Variants in EPHA6 observed in about 807,000 individuals in gnomAD.
The protein encoded by EPHA6 is ephrin type-A receptor 6.
In EPHA6, 50 loss-of-function variants were observed where a neutral mutation model predicts 112.0. That is an observed-to-expected ratio of 0.45 (90% CI 0.36 to 0.56). EPHA6 has a LOEUF of 0.56. Ranked by LOEUF, EPHA6 falls within the 20% of genes least tolerant of loss-of-function variation. EPHA6 has a pLI of 0.00. For missense variants in EPHA6, 1,280 were observed against 1,417.4 expected (o/e 0.90, Z 1.56); for synonymous variants, 529 against 490.7 (o/e 1.08, Z -1.03).
chr3:96,987,555 T>A lies in EPHA6; in HGVS notation c.676T>A (p.Ser226Thr), dbSNP rs772456254. Residue 226 changes from serine (S) to threonine (T), a missense_variant, in exon 3 of 18, where the codon TCA (serine) becomes ACA (threonine). Physicochemically the swap from Ser to Thr is moderately conservative, Grantham distance 58. This residue lies in a region of EPHA6 where 878 missense variants were observed against 999.7 expected (regional missense o/e 0.88). Coordinates refer to ENST00000389672, the MANE Select transcript of EPHA6 (RefSeq NM_001080448.3). ...AACATTTAATCTGTTTTATATGGAA[T>A]CAGATGAGTCCCACGGAATTAAATT... is the stretch of plus-strand genomic sequence containing the variant. ...KETFNLFYME[S>T]DESHGIKFKP... The A allele has an allele frequency of 2.5e-6, 4 of 1,613,770 alleles. No homozygotes were observed. In the African/African-American group the frequency reaches 5.3e-5, roughly 22 times the overall value.
At chr3:97,714,854 T>A (rs1005929385) in intron 14 of EPHA6, among the ~76,000 whole-genome samples, 8 of 152,202 alleles carry the variant, frequency 5.3e-5, no homozygotes, top group African/African-American at 1.9e-4. Flanking sequence ...CTTAAAGTCA[T>A]CCTCCAGTAA....
At chr3:97,307,511 A>T (rs574652421) in intron 5 of EPHA6, among the ~76,000 whole-genome samples, 2 of 151,790 alleles carry the variant, frequency 1.3e-5, no homozygotes, top group African/African-American at 4.8e-5. Context: ...ATTTACCTGT[A>T]CTTAGCTGTC....
intron 11 of EPHA6, among the ~76,000 whole-genome samples, chr3:97,537,830 C>T (rs1436597634): frequency 2.0e-5 from 3 of 152,124 alleles, no homozygotes; most frequent in Non-Finnish European, 2.9e-5. Flanking sequence ...CCACCTACCT[C>T]GGCCTCCCAA....
chr3:96,944,760 T>G (rs148293250), intron 2 of EPHA6, among the ~76,000 whole-genome samples: 2,184 of 152,224 alleles, frequency 0.014, 57 homozygotes, highest in African/African-American at 0.049. Context: ...GCCAACATGG[T>G]GAAACCCCGT....
intron 12 of EPHA6, among the ~76,000 whole-genome samples, chr3:97,594,738 T>C (rs1304375789): frequency 6.6e-6 from 1 of 152,224 alleles, no homozygotes; most frequent in Non-Finnish European, 1.5e-5. Context: ...AAGTATTTCT[T>C]TGCCATCTAA....
At chr3:97,178,808 T>G (rs569044326) in intron 3 of EPHA6, among the ~76,000 whole-genome samples, 3 of 152,288 alleles carry the variant, frequency 2.0e-5, no homozygotes, top group South Asian at 2.1e-4. Context: ...GTTTGATCAT[T>G]AAATGCCTTG....
chr3:97,257,452 C>G (rs1205555583), intron 5 of EPHA6, among the ~76,000 whole-genome samples: 1 of 151,926 alleles, frequency 6.6e-6, no homozygotes, highest in African/African-American at 2.4e-5. Flanking sequence ...ACTCTTGCTG[C>G]AAATCAGAGA....
At chr3:96,864,868 AT>A (rs1273248396) in intron 1 of EPHA6, among the ~76,000 whole-genome samples, 1 of 152,136 alleles carries the variant, frequency 6.6e-6, no homozygotes, top group Non-Finnish European at 1.5e-5. Context: ...GCATTAAGGA[AT>A]TTTTATATTA....
chr3:97,407,844 C>T (rs1209553654), intron 6 of EPHA6, among the ~76,000 whole-genome samples: 4 of 152,072 alleles, frequency 2.6e-5, no homozygotes, highest in African/African-American at 9.7e-5. Flanking sequence ...CAGTCCTCCC[C>T]TTCAAAACAG....
intron 1 of EPHA6, among the ~76,000 whole-genome samples, chr3:96,826,655 T>C (rs1409939865): frequency 6.6e-6 from 1 of 152,082 alleles, no homozygotes; most frequent in Non-Finnish European, 1.5e-5. Context: ...AAGATTGTGG[T>C]TTATGCTTTT....
intron 5 of EPHA6, among the ~76,000 whole-genome samples, chr3:97,364,225 T>C (rs566390952): frequency 1.4e-3 from 208 of 152,208 alleles, no homozygotes; most frequent in African/African-American, 4.7e-3. Flanking sequence ...TGAGAAAAAT[T>C]ACGAGGACAC....
rs942810734 is a variant in EPHA6 at position 97,642,506 on chromosome 3, C to A, written c.2784+4424C>A. ...CAAATTACTCGGAGCTACGGGAGGA[C>A]ATTCAAACCAAAGGCAAAGAAGTTG... On this transcript the variant is annotated intron_variant, in intron 14 of 17. Transcript: ENST00000389672. Among the ~76,000 whole-genome samples the A allele has an allele frequency of 2.7e-5, 4 of 145,642 alleles. No homozygotes were observed. In the East Asian group the frequency reaches 8.2e-4, roughly 30 times the overall value.
chr3:97,087,402 C>A (rs1029655199), intron 3 of EPHA6, among the ~76,000 whole-genome samples: 4 of 152,020 alleles, frequency 2.6e-5, no homozygotes, highest in African/African-American at 9.7e-5. Context: ...GATGATCTAA[C>A]CAAAAAGACA....
At position 97,448,745 on chromosome 3, in the gene EPHA6, A is replaced by G. The variant is rs183816310; in HGVS notation, c.1894+15A>G. ...AGGAGATGAAAGTAAGTTTCACACA[A>G]GGATATAACATAAGATGTGAATTTA... On this transcript the variant is annotated intron_variant, in intron 7 of 17. Coordinates refer to ENST00000389672, the MANE Select transcript of EPHA6 (RefSeq NM_001080448.3). The G allele has an allele frequency of 6.8e-6, 11 of 1,611,854 alleles. No individual in the cohort carries two copies. In the Admixed American group the frequency reaches 1.5e-4, roughly 22 times the overall value.
At chr3:96,997,473 A>C (rs538323449) in intron 3 of EPHA6, among the ~76,000 whole-genome samples, 79 of 152,086 alleles carry the variant, frequency 5.2e-4, no homozygotes, top group Middle Eastern at 3.4e-3. Context: ...TTTAGAGGTC[A>C]TTGTAGGGTT....
intron 3 of EPHA6, among the ~76,000 whole-genome samples, chr3:97,100,698 T>G (rs1212470455): frequency 6.6e-6 from 1 of 151,986 alleles, no homozygotes; most frequent in African/African-American, 2.4e-5. Context: ...TTCCTTTATT[T>G]TAAAAAGTTG....
chr3:97,375,416 C>G (rs1037354801), intron 5 of EPHA6, among the ~76,000 whole-genome samples: 1 of 151,958 alleles, frequency 6.6e-6, no homozygotes, highest in African/African-American at 2.4e-5. Flanking sequence ...CTCTTCTTAC[C>G]AAGGCTAGAT....
chr3:97,125,936 C>A (rs1488868749), intron 3 of EPHA6, among the ~76,000 whole-genome samples: 1 of 152,034 alleles, frequency 6.6e-6, no homozygotes, highest in Non-Finnish European at 1.5e-5. Context: ...TTGTAGAAGA[C>A]TGAGAAATGA....
At chr3:97,202,733 T>A (rs571571592) in intron 3 of EPHA6, among the ~76,000 whole-genome samples, 50 of 152,264 alleles carry the variant, frequency 3.3e-4, no homozygotes, top group Middle Eastern at 3.4e-3. Context: ...TACCCACCAA[T>A]TCAACAAACA....
Sources: allele counts gnomAD v4.1 joint callset (sites outside exome capture counted in the v4.1 genomes callset), GRCh38; gene constraint gnomAD v4.1.1; regional missense constraint gnomAD v4.1.1; transcripts MANE v1.5; gene names NCBI Gene and HGNC (gene_info 2026-07-23, HGNC 2026-07-21).